Variants in MAP2K5 observed in about 807,000 individuals in gnomAD.
The protein encoded by MAP2K5 is dual specificity mitogen-activated protein kinase kinase 5.
In MAP2K5, 49 loss-of-function variants were observed where a neutral mutation model predicts 83.1. The ratio of observed to expected loss-of-function variants is 0.59; its 90% CI spans 0.47 to 0.75. The LOEUF (loss-of-function observed/expected upper bound fraction) is 0.75. Among genes scored for constraint, MAP2K5 ranks in the 30% least tolerant of loss-of-function variants. The probability of loss-of-function intolerance (pLI) is 0.00; values close to 1 mark genes in which losing one functional copy is unlikely to be tolerated. For missense variants in MAP2K5, 457 were observed against 557.5 expected (o/e 0.82, Z 1.82); for synonymous variants, 202 against 191.8 (o/e 1.05, Z -0.44).
chr15:67,600,814 T>C (rs537150158), intron 8 of MAP2K5, 65 bp downstream of exon 8: 2 of 1,236,398 alleles, frequency 1.6e-6, no homozygotes, highest in East Asian at 4.8e-5. Context: ...CCAAGTTCTC[T>C]GTGGCAAAGA....
In MAP2K5 at chr15:67,760,534, A is replaced by G. The variant is rs971097182; in HGVS notation, c.1135-9068A>G. ...TTTCTTCTTTTTTACTAACCAAAATATTAACATAAACATCCCCATAATTTT... is the reference window on the plus strand; with the variant it reads ...TTTCTTCTTTTTTACTAACCAAAATGTTAACATAAACATCCCCATAATTTT... On this transcript the variant is annotated intron_variant, in intron 19 of 21. Coordinates refer to ENST00000178640, the MANE Select transcript of MAP2K5 (RefSeq NM_145160.3). The surrounding 1 kb of genome is among the most constrained non-coding windows in gnomAD (Gnocchi z 4.1). Among the ~76,000 whole-genome samples, 1 of 152,248 alleles carries G rather than the reference A, an allele frequency of 6.6e-6. No homozygotes were observed. Among genetic ancestry groups the G allele is most frequent in the African/African-American group, 2.4e-5 (1 of 41,462 alleles).
intron 9 of MAP2K5, among the ~76,000 whole-genome samples, chr15:67,631,356 C>G (rs541434448): frequency 6.6e-6 from 1 of 152,212 alleles, no homozygotes; most frequent in Admixed American, 6.5e-5. Context: ...TTGCCATGGT[C>G]TTGGATCGGG....
intron 13 of MAP2K5, among the ~76,000 whole-genome samples, chr15:67,682,023 T>C (rs1238826919): frequency 6.6e-6 from 1 of 152,220 alleles, no homozygotes; most frequent in Non-Finnish European, 1.5e-5. Context: ...TGTTTTTAAG[T>C]GAACTGAATG....
chr15:67,585,168 G>A (rs1308410496), intron 4 of MAP2K5, among the ~76,000 whole-genome samples: 1 of 151,280 alleles, frequency 6.6e-6, no homozygotes, highest in Non-Finnish European at 1.5e-5. Flanking sequence ...GGGCACTATA[G>A]TTTTCAAATA....
intron 12 of MAP2K5, among the ~76,000 whole-genome samples, chr15:67,661,409 G>A (rs1450415634): frequency 2.6e-5 from 4 of 152,088 alleles, no homozygotes; most frequent in Admixed American, 6.6e-5. Flanking sequence ...GTCAAGGAGC[G>A]AGTGATTGAC....
At chr15:67,634,386 A>AT (rs1407335168) in intron 9 of MAP2K5, among the ~76,000 whole-genome samples, 5 of 95,110 alleles carry the variant, frequency 5.3e-5, no homozygotes, top group Non-Finnish European at 1.2e-4. Context: ...AAAAAAAAAA[A>AT]AAAAAAAAAA....
Position 67,802,261 on chromosome 15 carries a change from C to T in MAP2K5, c.1243-4385C>T, listed in dbSNP as rs1323594295. ...AGGTGGAGGAGGGAGCGGTGAGCAA[C>T]CACAATTCATCTTCATGAGAGGGAG... On this transcript the variant is annotated intron_variant, in intron 21 of 21. Coordinates refer to ENST00000178640, the MANE Select transcript of MAP2K5 (RefSeq NM_145160.3). The surrounding 1 kb of genome is among the most constrained non-coding windows in gnomAD (Gnocchi z 5.0). 1.3e-5 allele frequency among the ~76,000 whole-genome samples: 2 copies of T among 148,846 alleles called. No homozygotes were observed. Among genetic ancestry groups the T allele is most frequent in the Non-Finnish European group, 2.9e-5 (2 of 68,006 alleles).
At position 67,693,508 on chromosome 15, in the gene MAP2K5, T is replaced by G; in HGVS notation, c.922-10T>G. ...TTTATATTGTTCTAACAGACTGTTT[T>G]GTCTCATAGCTGGTGAATTCTATAG... On this transcript the variant is annotated splice_polypyrimidine_tract_variant and intron_variant, in intron 14 of 21. Transcript: ENST00000178640. 3 of 1,607,560 alleles carry G rather than the reference T, an allele frequency of 1.9e-6. No homozygotes were observed. Among genetic ancestry groups the G allele is most frequent in the Non-Finnish European group, 2.6e-6 (3 of 1,175,280 alleles).
chr15:67,667,156 G>GT (rs2087401863), intron 13 of MAP2K5, among the ~76,000 whole-genome samples: 1 of 152,014 alleles, frequency 6.6e-6, no homozygotes, highest in African/African-American at 2.4e-5. Flanking sequence ...TATTTTAGAG[G>GT]TTTTGTCCAT....
rs903358109 is a variant in MAP2K5, at chr15:67,793,629, A to G, written c.1243-13017A>G. Among the ~76,000 whole-genome samples, 1 of 152,182 alleles carries G rather than the reference A, an allele frequency of 6.6e-6. No homozygotes were observed. Among genetic ancestry groups the G allele is most frequent in the African/African-American group, 2.4e-5 (1 of 41,440 alleles). On this transcript the variant is annotated intron_variant, in intron 21 of 21. Transcript: ENST00000178640. This position sits in a 1 kb window ranked among gnomAD's most constrained non-coding sequence, Gnocchi z 4.6. ...GGCACTACCTAAAATTAAAATGTTC[A>G]AGTTCTAGTTTAACTTCCATATTCT...
chr15:67,550,234 AATG>A, intron 2 of MAP2K5, 152 bp downstream of exon 2: 1 of 587,254 alleles, frequency 1.7e-6, no homozygotes, highest in Admixed American at 3.0e-5. Context: ...ATATAAGTTT[AATG>A]ATGATACTGA....
intron 8 of MAP2K5, among the ~76,000 whole-genome samples, chr15:67,624,935 A>G (rs2086281831): frequency 6.6e-6 from 1 of 152,102 alleles, no homozygotes; most frequent in Non-Finnish European, 1.5e-5. Context: ...CCAGCCAAAC[A>G]TCACCATCTA....
intron 13 of MAP2K5, among the ~76,000 whole-genome samples, chr15:67,674,563 T>A (rs1044533621): frequency 2.6e-5 from 4 of 152,196 alleles, no homozygotes; most frequent in African/African-American, 9.6e-5. Flanking sequence ...TCCACACAAA[T>A]GAACATCTCG....
intron 1 of MAP2K5, chr15:67,548,913 GA>G (rs765251220): frequency 0.12 from 65,332 of 565,558 alleles, 8 homozygotes; most frequent in East Asian, 0.15. Context: ...ATTTATTTTT[GA>G]AAAAAAAAAA....
chr15:67,611,919 A>T (rs1014795021), intron 8 of MAP2K5, among the ~76,000 whole-genome samples: 1 of 152,168 alleles, frequency 6.6e-6, no homozygotes, highest in Non-Finnish European at 1.5e-5. Context: ...GTAGATGACC[A>T]ATATGAACAA....
chr15:67,617,472 A>C (rs770700080), intron 8 of MAP2K5, among the ~76,000 whole-genome samples: 9 of 152,224 alleles, frequency 5.9e-5, no homozygotes, highest in South Asian at 4.1e-4. Context: ...TTTTGTGAAC[A>C]AGAGTCAGCT....
In MAP2K5 at chr15:67,640,594, T is replaced by C; in HGVS notation, c.586-5637T>C. ...AGGGTCTGACGCCTGCATGGAATGATGAGGGAAATTTAATTTTCCAAGCAA... is the reference window on the plus strand; with the variant it reads ...AGGGTCTGACGCCTGCATGGAATGACGAGGGAAATTTAATTTTCCAAGCAA... On this transcript the variant is annotated intron_variant, in intron 9 of 21. Coordinates refer to ENST00000178640, the MANE Select transcript of MAP2K5 (RefSeq NM_145160.3). This position sits in a 1 kb window ranked among gnomAD's most constrained non-coding sequence, Gnocchi z 4.6. 1 of 985,322 alleles carries C rather than the reference T, an allele frequency of 1.0e-6. No individual in the cohort carries two copies. The highest frequency in any genetic ancestry group is 1.2e-6 in the Non-Finnish European group (1 of 829,872). The allele number at this position is 985,322 out of a possible 1,614,324, so 61.0% of individuals were successfully genotyped here. A position where few individuals can be genotyped will look rare whatever the true frequency, so the allele number is the denominator to read the frequency against.
Position 67,790,331 on chromosome 15 carries a change from T to G in MAP2K5, c.1243-16315T>G, listed in dbSNP as rs910336659. Among the ~76,000 whole-genome samples, 5 of 152,188 alleles carry G rather than the reference T, an allele frequency of 3.3e-5. No homozygotes were observed. The highest frequency in any genetic ancestry group is 7.3e-5 in the Non-Finnish European group (5 of 68,032). ...AGGTTAATGTACAGTATAATGTTTT[T>G]GGGACTACGGGTTCATTACACTTCT... On this transcript the variant is annotated intron_variant, in intron 21 of 21. Transcript: ENST00000178640. This position sits in a 1 kb window ranked among gnomAD's most constrained non-coding sequence, Gnocchi z 4.6.
chr15:67,800,922 C>G (rs1362121731), intron 21 of MAP2K5, among the ~76,000 whole-genome samples: 1 of 152,208 alleles, frequency 6.6e-6, no homozygotes, highest in Non-Finnish European at 1.5e-5. Context: ...AAAAGTAACA[C>G]CACAGTACAA....
Sources: gnomAD v4.1 joint callset for allele counts (sites outside exome capture counted in the v4.1 genomes callset) on GRCh38, gnomAD v4.1.1 for gene constraint, Gnocchi (gnomAD v3.1) non-coding constraint, MANE v1.5 for transcripts, NCBI Gene and HGNC (gene_info 2026-07-23, HGNC 2026-07-21) for gene names.